MAP4: variants seen among roughly 807,000 people sequenced by gnomAD.
MAP4 encodes microtubule associated protein 4.
In MAP4, 76 loss-of-function variants were observed where a neutral mutation model predicts 170.2. The ratio of observed to expected loss-of-function variants is 0.45; its 90% CI spans 0.37 to 0.54. The LOEUF is 0.54. MAP4 is among the 20% of genes least tolerant of loss of function. The pLI is 0.00. For missense variants in MAP4, 2,506 were observed against 2,748.0 expected, an observed-to-expected ratio of 0.91 and a Z score of 1.97; for synonymous variants, 909 against 994.5, an observed-to-expected ratio of 0.91 and a Z score of 1.62.
intron 1 of MAP4, among the ~76,000 whole-genome samples, chr3:48,028,216 C>G (rs1243765441): frequency 6.6e-6 from 1 of 152,148 alleles, no homozygotes; most frequent in Non-Finnish European, 1.5e-5. Context: ...CACTCAAACC[C>G]AGGAGGCGGA....
At chr3:48,020,191 ATTGT>A (rs1332579164), upstream of MAP4, among the ~76,000 whole-genome samples, 1 of 152,074 alleles carries the variant, frequency 6.6e-6, no homozygotes, top group Non-Finnish European at 1.5e-5. Flanking sequence ...CACCCTTGTA[ATTGT>A]TTATTTACAA....
chr3:48,009,825 G>A (rs1334450171), intron 1 of MAP4, among the ~76,000 whole-genome samples: 1 of 152,142 alleles, frequency 6.6e-6, no homozygotes, highest in Non-Finnish European at 1.5e-5. Context: ...TGCTGGCCTA[G>A]AGGTCTTAAT....
chr3:47,971,302 C>T (rs1429031450), intron 3 of MAP4, among the ~76,000 whole-genome samples: 2 of 152,150 alleles, frequency 1.3e-5, no homozygotes, highest in African/African-American at 2.4e-5. Context: ...CAATTTACAG[C>T]GTGGCTCCAA....
Position 48,085,992 on chromosome 3 carries a change from C to A in MAP4, c.-20+2781G>T, listed in dbSNP as rs191010711. Among the ~76,000 whole-genome samples, 3 of 152,202 alleles carry A rather than the reference C, an allele frequency of 2.0e-5. No homozygotes were observed. In the East Asian group the frequency reaches 5.8e-4, roughly 29 times the overall value. On this transcript the variant is annotated intron_variant, in intron 1 of 18. Transcript: ENST00000360240. ...ACTTGAACCCAGGAGGCGAAGGTTG[C>A]AGTGAGCTGAGATCGTGCCACTGCA...
intron 2 of MAP4, among the ~76,000 whole-genome samples, chr3:47,987,952 T>G (rs1049691038): frequency 6.6e-6 from 1 of 152,080 alleles, no homozygotes; most frequent in Non-Finnish European, 1.5e-5. Flanking sequence ...CCCAGCACTT[T>G]GGGAGGCTAC....
intron 1 of MAP4, among the ~76,000 whole-genome samples, chr3:48,028,913 C>T (rs966645935): frequency 1.3e-5 from 2 of 151,954 alleles, no homozygotes; most frequent in Non-Finnish European, 2.9e-5. Flanking sequence ...GAGGCCGAGG[C>T]GGGCAGATCG....
chr3:48,013,869 C>A (rs2100106553), intron 1 of MAP4, among the ~76,000 whole-genome samples: 1 of 152,108 alleles, frequency 6.6e-6, no homozygotes, highest in Admixed American at 6.6e-5. Flanking sequence ...AGAAAATAAG[C>A]CCTGTATTAT....
intron 17 of MAP4, among the ~76,000 whole-genome samples, chr3:47,861,666 AAAC>A (rs538497304): frequency 1.3e-3 from 194 of 151,390 alleles, no homozygotes; most frequent in African/African-American, 4.1e-3. Context: ...TCTGTCTTTA[AAAC>A]AACAACAACA....
rs1209493464 is a variant in MAP4, at chr3:47,946,004, G to A, written c.293-17654C>T. 5.3e-5 allele frequency among the ~76,000 whole-genome samples: 8 copies of A among 151,842 alleles called. No individual in the cohort carries two copies. In the East Asian group the frequency reaches 5.8e-4, roughly 11 times the overall value. ...GGCTGGAGTGCAGTGGCACAATTTCGGCTCACTGCAAGCTCTGCCTCCCAG... is the reference window on the plus strand; with the variant it reads ...GGCTGGAGTGCAGTGGCACAATTTCAGCTCACTGCAAGCTCTGCCTCCCAG... On this transcript the variant is annotated intron_variant, in intron 3 of 20. Coordinates refer to ENST00000683076, the MANE Select transcript of MAP4 (RefSeq NM_001385682.1).
At chr3:47,946,298 T>C (rs2100059870) in intron 3 of MAP4, among the ~76,000 whole-genome samples, 1 of 151,702 alleles carries the variant, frequency 6.6e-6, no homozygotes, top group African/African-American at 2.4e-5. Context: ...TATACTAAAC[T>C]AAATCAACAC....
Position 47,877,461 on chromosome 3 carries a change from G to T in MAP4, c.5497C>A (p.Pro1833Thr). ...VSGTGNDITTPPNKELPPSPE... is the reference protein window; with the variant it reads ...VSGTGNDITTTPNKELPPSPE... ...CTTGGTGGGAGCTCCTTGTTCGGTG[G>T]GGTGGTGATGTCATTTCCTGTCCCA... Residue 1833 changes from proline to threonine, a missense_variant, in exon 11 of 21, where the codon CCA (proline) becomes ACA (threonine). Physicochemically the swap from Pro to Thr is conservative, Grantham distance 38. Coordinates refer to ENST00000683076, the MANE Select transcript of MAP4 (RefSeq NM_001385682.1). 2 of 1,614,002 alleles carry T rather than the reference G, an allele frequency of 1.2e-6. No homozygotes were observed. The highest frequency in any genetic ancestry group is 1.7e-6 in the Non-Finnish European group (2 of 1,179,970).
intron 3 of MAP4, among the ~76,000 whole-genome samples, chr3:47,933,365 T>G (rs1172598181): frequency 6.6e-6 from 1 of 152,196 alleles, no homozygotes; most frequent in East Asian, 1.9e-4. Flanking sequence ...TCCGTAATTT[T>G]ACTAAGAATC....
chr3:47,911,302 A>G lies in MAP4; in HGVS notation c.3119T>C (p.Val1040Ala). Reference protein sequence around the residue: ...IFTSEQLQGQVLVQVPGVENE... With the variant: ...IFTSEQLQGQALVQVPGVENE... ...CTCTACCCCAGGGACCTGTACCAACACTTGGCCCTGCAGCTGCTCAGAAGT... is the reference window on the plus strand; with the variant it reads ...CTCTACCCCAGGGACCTGTACCAACGCTTGGCCCTGCAGCTGCTCAGAAGT... Residue 1040 changes from valine to alanine, a missense_variant, in exon 9 of 21, where the codon GTG (valine) becomes GCG (alanine). By Grantham distance (64) the Val-to-Ala change is moderately conservative (BLOSUM62 0). Coordinates refer to ENST00000683076, the MANE Select transcript of MAP4 (RefSeq NM_001385682.1). This position sits in a 1 kb window ranked among gnomAD's most constrained non-coding sequence, Gnocchi z 4.0. The G allele has an allele frequency of 6.5e-7, 1 of 1,536,010 alleles. No homozygotes were observed. Among genetic ancestry groups the G allele is most frequent in the Non-Finnish European group, 8.7e-7 (1 of 1,146,862 alleles).
At chr3:47,979,342 T>C (rs568048145) in intron 2 of MAP4, among the ~76,000 whole-genome samples, 14 of 152,276 alleles carry the variant, frequency 9.2e-5, no homozygotes, top group East Asian at 5.8e-4. Flanking sequence ...CTTTGCACCT[T>C]TGTAAAAAAA....
chr3:48,029,606 C>A (rs148112368), intron 1 of MAP4, among the ~76,000 whole-genome samples: 3 of 152,078 alleles, frequency 2.0e-5, no homozygotes, highest in Non-Finnish European at 2.9e-5. Flanking sequence ...GTAATCTGAA[C>A]GGTTTAAAAT....
chr3:47,890,416 A>G (rs1205361838), intron 10 of MAP4, among the ~76,000 whole-genome samples: 2 of 152,238 alleles, frequency 1.3e-5, no homozygotes, highest in East Asian at 1.9e-4. Flanking sequence ...TGGGTCAAAC[A>G]TGAAGAACAC....
chr3:47,960,699 TTAC>T (rs1194334174), intron 3 of MAP4: 1 of 160,808 alleles, frequency 6.2e-6, no homozygotes, highest in East Asian at 1.9e-4. Context: ...GTCAGTCTTC[TTAC>T]TACTAACACT....
At chr3:48,024,520 T>A (rs1157781750) in intron 1 of MAP4, among the ~76,000 whole-genome samples, 3 of 152,148 alleles carry the variant, frequency 2.0e-5, no homozygotes, top group Non-Finnish European at 4.4e-5. Context: ...GATGAAATTC[T>A]GCTTGCTGGT....
chr3:47,944,363 CCA>C (rs1292828016), intron 3 of MAP4, among the ~76,000 whole-genome samples: 6 of 151,940 alleles, frequency 3.9e-5, no homozygotes, highest in Admixed American at 3.3e-4. Flanking sequence ...TTCTCATTCT[CCA>C]CAGTCTGTTA....
Sources: allele counts gnomAD v4.1 joint callset (sites outside exome capture counted in the v4.1 genomes callset), GRCh38; gene constraint gnomAD v4.1.1; non-coding constraint Gnocchi (gnomAD v3.1); transcripts MANE v1.5; gene names NCBI Gene and HGNC (gene_info 2026-07-23, HGNC 2026-07-21).